The following ANLN variants were observed in gnomAD, a reference collection of about 807,000 sequenced individuals.
The protein encoded by ANLN is anillin, actin binding protein, also known as anillin.
Under a neutral mutation model 135.1 loss-of-function variants are expected in ANLN, and 59 were observed. That is an observed-to-expected ratio of 0.44 (90% confidence interval 0.35 to 0.54). The LOEUF is 0.54. Ranked by LOEUF, ANLN falls within the 20% of genes least tolerant of loss-of-function variation. ANLN has a pLI of 0.00. For synonymous variants in ANLN, 406 were observed against 456.4 expected (o/e 0.89, Z 1.41); for missense variants, 1,182 against 1,340.0 (o/e 0.88, Z 1.84).
At chr7:36,403,058 A>T (rs1247475822) in intron 3 of ANLN, among the ~76,000 whole-genome samples, 1 of 152,154 alleles carries the variant, frequency 6.6e-6, no homozygotes, top group Non-Finnish European at 1.5e-5. Flanking sequence ...CGGAGGTTGC[A>T]GTGAGCCGAG....
At chr7:36,436,488 T>C (rs918037979) in intron 20 of ANLN, among the ~76,000 whole-genome samples, 3 of 152,216 alleles carry the variant, frequency 2.0e-5, no homozygotes, top group African/African-American at 7.2e-5. Flanking sequence ...AGGATATACA[T>C]AGGAGCAGAA....
chr7:36,432,621 G>C (rs1041786717), intron 20 of ANLN, among the ~76,000 whole-genome samples: 1 of 152,168 alleles, frequency 6.6e-6, no homozygotes, highest in Non-Finnish European at 1.5e-5. Flanking sequence ...GAAAACGTTT[G>C]CCAACTCGTA....
At position 36,399,064 on chromosome 7, in the gene ANLN, T is replaced by C; in HGVS notation, c.173-15T>C. On this transcript the variant is annotated splice_polypyrimidine_tract_variant and intron_variant, in intron 2 of 23. Transcript: ENST00000265748. The stretch of plus-strand genomic sequence containing the variant: ...TTACAAATTTGAATGTCTTTTTTCA[T>C]CGTTTTTAATGTAGAGAAATCTTGT... 6.4e-7 allele frequency: 1 copy of C among 1,571,470 alleles called. No individual in the cohort carries two copies.
At chr7:36,420,098 C>A in intron 10 of ANLN, 71 bp from the exon 11 acceptor site, 1 of 1,437,750 alleles carries the variant, frequency 7.0e-7, no homozygotes, top group South Asian at 1.4e-5. Flanking sequence ...ATGGAGAATT[C>A]ATTGATTTTC....
chr7:36,446,626 G>A (rs1789012164), intron 22 of ANLN, among the ~76,000 whole-genome samples: 2 of 152,164 alleles, frequency 1.3e-5, no homozygotes, highest in African/African-American at 2.4e-5. Flanking sequence ...CAGTTCATGC[G>A]AGAACTCATT....
chr7:36,446,855 G>C (rs996956499), intron 22 of ANLN, among the ~76,000 whole-genome samples: 1 of 152,102 alleles, frequency 6.6e-6, no homozygotes, highest in East Asian at 1.9e-4. Context: ...TTAGGCTCAC[G>C]GTTCTGTTTC....
At chr7:36,395,081 C>T (rs571194246) in intron 1 of ANLN, among the ~76,000 whole-genome samples, 5 of 152,258 alleles carry the variant, frequency 3.3e-5, no homozygotes, top group African/African-American at 1.2e-4. Context: ...TTATTTATCT[C>T]TTGCTGCTTA....
intron 3 of ANLN, among the ~76,000 whole-genome samples, chr7:36,403,148 G>C (rs552123267): frequency 2.0e-5 from 3 of 152,062 alleles, no homozygotes; most frequent in African/African-American, 7.2e-5. Context: ...ATATAATCTA[G>C]GTGCAAAGAG....
Position 36,452,947 on chromosome 7 carries a change from C to T in ANLN, c.*347C>T, listed in dbSNP as rs553350497. On this transcript the variant is annotated 3_prime_UTR_variant, in exon 24 of 24. Coordinates refer to ENST00000265748, the MANE Select transcript of ANLN (RefSeq NM_018685.5). ...GGAGCTGTAGGTCTTGAAGCAGCAA[C>T]GTCTTTCAGGGGTTGGAGACAGAAA... The T allele has an allele frequency of 7.3e-5, 12 of 165,364 alleles. No homozygotes were observed. The South Asian group carries it at 9.9e-4, about 14-fold the overall frequency. The allele number at this position is 165,364 out of a possible 1,614,324, so 10.2% of individuals were successfully genotyped here.
intron 20 of ANLN, among the ~76,000 whole-genome samples, chr7:36,431,987 G>A (rs538462724): frequency 3.0e-4 from 46 of 152,104 alleles, no homozygotes; most frequent in Non-Finnish European, 5.7e-4. Flanking sequence ...CAAAGTGGGA[G>A]GATCGTTTAA....
chr7:36,435,226 A>AG (rs1420856493), intron 20 of ANLN, among the ~76,000 whole-genome samples: 1 of 152,220 alleles, frequency 6.6e-6, no homozygotes, highest in Non-Finnish European at 1.5e-5. Flanking sequence ...AGTCAAGATA[A>AG]GGGACATTTC....
chr7:36,434,037 G>A (rs1171979304), intron 20 of ANLN, among the ~76,000 whole-genome samples: 1 of 151,988 alleles, frequency 6.6e-6, no homozygotes, highest in Non-Finnish European at 1.5e-5. Context: ...CCCTTGATAA[G>A]CTCCGTGTTT....
chr7:36,423,780 G>A (rs761546157), intron 14 of ANLN, 37 bp from the exon 15 acceptor site: 23 of 1,569,462 alleles, frequency 1.5e-5, no homozygotes, highest in Non-Finnish European at 1.9e-5. Flanking sequence ...ATCTGATTTT[G>A]CTTGTGCTTA....
At chr7:36,397,934 A>G (rs1786775187) in intron 2 of ANLN, among the ~76,000 whole-genome samples, 1 of 152,080 alleles carries the variant, frequency 6.6e-6, no homozygotes, top group Non-Finnish European at 1.5e-5. Context: ...AAGAGACATA[A>G]AAGTGGAGTG....
chr7:36,442,953 T>TA (rs560270685), intron 21 of ANLN, among the ~76,000 whole-genome samples: 201 of 151,588 alleles, frequency 1.3e-3, no homozygotes, highest in Admixed American at 3.5e-3. Context: ...TTTTTTTTTT[T>TA]AAATTAAAAG....
intron 3 of ANLN, among the ~76,000 whole-genome samples, chr7:36,400,522 G>C (rs1786900588): frequency 6.6e-6 from 1 of 152,072 alleles, no homozygotes; most frequent in Admixed American, 6.5e-5. Context: ...ACCATGCCCA[G>C]CTAATTTTTT....
At position 36,452,780 on chromosome 7, in the gene ANLN, A is replaced by G. The variant is rs1394733159; in HGVS notation, c.*180A>G. 1.0e-5 allele frequency: 6 copies of G among 587,332 alleles called. No homozygotes were observed. In the African/African-American group the frequency reaches 1.1e-4, roughly 11 times the overall value. The allele number at this position is 587,332 out of a possible 1,614,324, so 36.4% of individuals were successfully genotyped here. A position where few individuals can be genotyped will look rare whatever the true frequency, so the allele number is the denominator to read the frequency against. On this transcript the variant is annotated 3_prime_UTR_variant, in exon 24 of 24. Transcript: ENST00000265748. ...TGTAAAACTTTAACTGATTTCTGTCATTCATCAATGAGTAGAAGTAAATAC... is the reference window on the plus strand; with the variant it reads ...TGTAAAACTTTAACTGATTTCTGTCGTTCATCAATGAGTAGAAGTAAATAC...
chr7:36,409,093 G>C (rs764081263), intron 5 of ANLN, among the ~76,000 whole-genome samples: 2 of 152,194 alleles, frequency 1.3e-5, no homozygotes, highest in Admixed American at 6.5e-5. Context: ...ATGAGAATTG[G>C]AAACAATAGC....
intron 22 of ANLN, among the ~76,000 whole-genome samples, chr7:36,447,064 G>A (rs1051166073): frequency 1.4e-4 from 22 of 152,098 alleles, no homozygotes; most frequent in African/African-American, 5.1e-4. Context: ...GTCATAACAC[G>A]TTTCTGTTGA....
Sources: allele counts gnomAD v4.1 joint callset (sites outside exome capture counted in the v4.1 genomes callset), GRCh38; gene constraint gnomAD v4.1.1; transcripts MANE v1.5; gene names NCBI Gene and HGNC (gene_info 2026-07-23, HGNC 2026-07-21).